Variants in SIPA1L3 observed in about 807,000 individuals in gnomAD.
The protein encoded by SIPA1L3 is signal-induced proliferation-associated 1-like protein 3.
In SIPA1L3, 59 loss-of-function variants were observed where a neutral mutation model predicts 150.1. The ratio of observed to expected loss-of-function variants is 0.39; its 90% confidence interval spans 0.32 to 0.49. SIPA1L3 has a LOEUF of 0.49. Among genes scored for constraint, SIPA1L3 ranks in the 20% least tolerant of loss-of-function variants. The probability of loss-of-function intolerance (pLI) is 0.86; values close to 1 mark genes in which losing one functional copy is unlikely to be tolerated. For missense variants in SIPA1L3, 2,211 were observed against 2,489.5 expected (o/e 0.89, Z 2.38); for synonymous variants, 1,070 against 1,077.6 (o/e 0.99, Z 0.14).
intron 1 of SIPA1L3, among the ~76,000 whole-genome samples, chr19:37,966,684 A>G (rs568482736): frequency 6.6e-6 from 1 of 152,198 alleles, no homozygotes; most frequent in Admixed American, 6.5e-5. Context: ...TGTTTAGAAC[A>G]CTGTTCAGAA....
intron 1 of SIPA1L3, among the ~76,000 whole-genome samples, chr19:37,990,676 G>GT (rs1320567158): frequency 6.6e-6 from 1 of 152,206 alleles, no homozygotes; most frequent in Non-Finnish European, 1.5e-5. Context: ...CTGGAGTCTG[G>GT]TTTTTCCTTG....
At chr19:38,118,233 G>A (rs1269079046) in intron 8 of SIPA1L3, among the ~76,000 whole-genome samples, 2 of 152,090 alleles carry the variant, frequency 1.3e-5, no homozygotes, top group Non-Finnish European at 2.9e-5. Context: ...AGGGCTCAGT[G>A]ACAAACGTTA....
intron 8 of SIPA1L3, among the ~76,000 whole-genome samples, chr19:38,112,022 C>A (rs855630): frequency 0.25 from 37,263 of 148,680 alleles, 6,693 homozygotes; most frequent in African/African-American, 0.52. Context: ...CATGCACACA[C>A]ACGTATGCAC....
intron 2 of SIPA1L3, among the ~76,000 whole-genome samples, chr19:38,072,801 G>A (rs1175880670): frequency 1.3e-5 from 2 of 152,258 alleles, no homozygotes; most frequent in Admixed American, 6.5e-5. Flanking sequence ...TGTCCACATT[G>A]GAGGGCTCTT....
intron 4 of SIPA1L3, among the ~76,000 whole-genome samples, chr19:38,091,061 G>T (rs1023302221): frequency 1.3e-5 from 2 of 152,192 alleles, no homozygotes; most frequent in African/African-American, 4.8e-5. Flanking sequence ...ATGGGCAACT[G>T]CTGGGTGGTG....
chr19:38,128,905 A>G (rs1433299661), intron 9 of SIPA1L3, among the ~76,000 whole-genome samples: 6 of 152,114 alleles, frequency 3.9e-5, no homozygotes, highest in Admixed American at 3.9e-4. Context: ...AAAAAAAAAA[A>G]AATTTATTCC....
intron 1 of SIPA1L3, among the ~76,000 whole-genome samples, chr19:38,020,993 G>A (rs1968361165): frequency 6.6e-6 from 1 of 152,056 alleles, no homozygotes. Flanking sequence ...TAGAGACAGG[G>A]TTTCGCCATG....
intron 1 of SIPA1L3, among the ~76,000 whole-genome samples, chr19:37,990,301 G>A (rs937883633): frequency 1.3e-5 from 2 of 152,190 alleles, no homozygotes; most frequent in Non-Finnish European, 1.5e-5. Flanking sequence ...GGTGGTGGGT[G>A]TTCTTGTTAA....
chr19:37,981,909 G>A (rs1289167461), intron 1 of SIPA1L3, among the ~76,000 whole-genome samples: 2 of 152,110 alleles, frequency 1.3e-5, no homozygotes, highest in African/African-American at 4.8e-5. Context: ...TTTCCTAATC[G>A]CCTCCCACAC....
At chr19:38,123,438 G>T (rs1971076189) in intron 9 of SIPA1L3, among the ~76,000 whole-genome samples, 2 of 148,838 alleles carry the variant, frequency 1.3e-5, no homozygotes, top group South Asian at 4.4e-4. Context: ...GTGTCCCTGG[G>T]TACTTGAGAT....
intron 2 of SIPA1L3, among the ~76,000 whole-genome samples, chr19:38,038,312 G>A (rs1009025919): frequency 6.6e-6 from 1 of 152,194 alleles, no homozygotes; most frequent in African/African-American, 2.4e-5. Flanking sequence ...TCATGTGCAG[G>A]CCAGACGAGG....
At chr19:38,102,924 A>T (rs1342696120) in intron 6 of SIPA1L3, among the ~76,000 whole-genome samples, 1 of 152,162 alleles carries the variant, frequency 6.6e-6, no homozygotes, top group Admixed American at 6.5e-5. Flanking sequence ...CAGGAGTTCG[A>T]GACCAGCCTG....
chr19:37,988,887 C>T (rs1460145907), intron 1 of SIPA1L3, among the ~76,000 whole-genome samples: 2 of 152,160 alleles, frequency 1.3e-5, no homozygotes, highest in Non-Finnish European at 2.9e-5. Context: ...CGTCCTCCCT[C>T]CCACTCCACA....
At chr19:37,950,159 G>C (rs2046750495) in intron 1 of SIPA1L3, among the ~76,000 whole-genome samples, 1 of 151,706 alleles carries the variant, frequency 6.6e-6, no homozygotes, top group Admixed American at 6.6e-5. Flanking sequence ...TGTGACCTTG[G>C]ACTCATCACC....
chr19:38,005,371 G>T (rs1967916456), intron 1 of SIPA1L3, among the ~76,000 whole-genome samples: 1 of 151,668 alleles, frequency 6.6e-6, no homozygotes, highest in South Asian at 2.1e-4. Flanking sequence ...TCATCCTGCA[G>T]ATCCCTGTGC....
intron 9 of SIPA1L3, among the ~76,000 whole-genome samples, chr19:38,123,382 C>A (rs1229694723): frequency 6.7e-6 from 1 of 149,080 alleles, no homozygotes; most frequent in Non-Finnish European, 1.5e-5. Context: ...GAACAAAGGT[C>A]TCTGGTTTTC....
At chr19:38,093,525 C>T (rs577100219) in intron 4 of SIPA1L3, among the ~76,000 whole-genome samples, 3 of 152,302 alleles carry the variant, frequency 2.0e-5, no homozygotes, top group East Asian at 1.9e-4. Flanking sequence ...TGATTATGAT[C>T]GGCACCACTG....
At chr19:38,154,763 A>AT (rs372517508) in intron 13 of SIPA1L3, among the ~76,000 whole-genome samples, 9,732 of 129,676 alleles carry the variant, frequency 0.075, 720 homozygotes, top group African/African-American at 0.19. Context: ...TTTATTATTC[A>AT]TTTTTTTTTT....
In SIPA1L3 at chr19:38,193,645, A is replaced by G. The variant is rs1972853624; in HGVS notation, c.4705A>G (p.Ser1569Gly). ...SPAGLEPGLP[S>G]DVLFTSTCAF... The stretch of plus-strand genomic sequence containing the variant: ...CGCTGGCCTAGAGCCAGGGCTGCCC[A>G]GCGACGTGCTCTTCACCAGCACCTG... Residue 1569 changes from serine to glycine, a missense_variant, in exon 18 of 22, where the codon AGC (serine) becomes GGC (glycine). This residue lies in a region of SIPA1L3 where 806 missense variants were observed against 870.1 expected (regional missense o/e 0.93). Coordinates refer to ENST00000222345, the MANE Select transcript of SIPA1L3 (RefSeq NM_015073.3). 6.3e-7 allele frequency: 1 copy of G among 1,579,470 alleles called. No homozygotes were observed. Among genetic ancestry groups the G allele is most frequent in the Non-Finnish European group, 8.5e-7 (1 of 1,170,720 alleles).
Sources: allele counts gnomAD v4.1 joint callset (sites outside exome capture counted in the v4.1 genomes callset), GRCh38; gene constraint gnomAD v4.1.1; regional missense constraint gnomAD v4.1.1; transcripts MANE v1.5; gene names NCBI Gene and HGNC (gene_info 2026-07-23, HGNC 2026-07-21).